GTF2A1: variants seen among roughly 807,000 people sequenced by gnomAD.
GTF2A1 encodes the protein transcription initiation factor IIA subunit 1.
In GTF2A1, 12 loss-of-function variants were observed where a neutral mutation model predicts 54.1. The ratio of observed to expected loss-of-function variants is 0.22; its 90% CI spans 0.14 to 0.36. The LOEUF (loss-of-function observed/expected upper bound fraction) is 0.36. GTF2A1 is among the 10% of genes least tolerant of loss of function. GTF2A1 has a pLI of 1.00. For missense variants in GTF2A1, 335 were observed against 442.2 expected, an observed-to-expected ratio of 0.76 and a Z score of 2.17; for synonymous variants, 145 against 152.0, an observed-to-expected ratio of 0.95 and a Z score of 0.34.
chr14:81,185,165 T>C (rs993988915), intron 8 of GTF2A1, among the ~76,000 whole-genome samples: 7 of 152,202 alleles, frequency 4.6e-5, no homozygotes, highest in Non-Finnish European at 8.8e-5. Flanking sequence ...TGAACCCTTC[T>C]AGTTTTGAGA....
intron 6 of GTF2A1, 54 bp downstream of exon 6, chr14:81,196,054 T>TAC: frequency 6.6e-7 from 1 of 1,511,772 alleles, no homozygotes; most frequent in Non-Finnish European, 9.2e-7. Context: ...ACCCAGGGAA[T>TAC]ACATACAGAA....
chr14:81,180,361 A>C, intron 8 of GTF2A1, 31 bp from the exon 9 acceptor site: 2 of 915,672 alleles, frequency 2.2e-6, no homozygotes, highest in South Asian at 1.4e-5. Flanking sequence ...AAAAATTGAG[A>C]GATACAATCA....
At chr14:81,210,440 G>A (rs1055418896) in intron 2 of GTF2A1, among the ~76,000 whole-genome samples, 1 of 152,144 alleles carries the variant, frequency 6.6e-6, no homozygotes, top group Non-Finnish European at 1.5e-5. Flanking sequence ...GCTGAGGTGG[G>A]CAGATCACGA....
At chr14:81,195,766 T>C (rs1326295123) in intron 6 of GTF2A1, among the ~76,000 whole-genome samples, 1 of 152,108 alleles carries the variant, frequency 6.6e-6, no homozygotes, top group Non-Finnish European at 1.5e-5. Flanking sequence ...TAGAGTCATG[T>C]CTGTGTCATT....
intron 4 of GTF2A1, among the ~76,000 whole-genome samples, chr14:81,199,694 T>C (rs1893062472): frequency 1.3e-5 from 2 of 152,172 alleles, no homozygotes; most frequent in African/African-American, 2.4e-5. Flanking sequence ...CCTGAGTAAC[T>C]GACCTATGAT....
chr14:81,187,417 TTGTACA>T (rs1429878914), intron 7 of GTF2A1, among the ~76,000 whole-genome samples: 1 of 152,180 alleles, frequency 6.6e-6, no homozygotes, highest in Non-Finnish European at 1.5e-5. Context: ...ATTTTAGCAT[TTGTACA>T]TGTACAATTC....
At chr14:81,219,630 TTTTA>T (rs1314003923) in intron 1 of GTF2A1, among the ~76,000 whole-genome samples, 2 of 152,112 alleles carry the variant, frequency 1.3e-5, no homozygotes, top group Non-Finnish European at 2.9e-5. Flanking sequence ...AAAAAACGTG[TTTTA>T]TTGTCATCAT....
intron 2 of GTF2A1, among the ~76,000 whole-genome samples, chr14:81,205,378 C>G (rs1893206362): frequency 6.6e-6 from 1 of 152,160 alleles, no homozygotes; most frequent in African/African-American, 2.4e-5. Flanking sequence ...ACTGAGAAAG[C>G]AAATGTTAAG....
chr14:81,221,139 C>G (rs1050736674), upstream of GTF2A1: 1 of 152,292 alleles, frequency 6.6e-6, no homozygotes, highest in African/African-American at 2.4e-5. Context: ...GTAGTGAAAT[C>G]GGACCTACGC....
intron 4 of GTF2A1, among the ~76,000 whole-genome samples, chr14:81,198,988 G>C (rs1009192242): frequency 1.3e-5 from 2 of 151,898 alleles, no homozygotes; most frequent in Non-Finnish European, 2.9e-5. Flanking sequence ...AGCCCACCCG[G>C]GTGATTCGTA....
intron 3 of GTF2A1, among the ~76,000 whole-genome samples, chr14:81,203,118 G>A (rs530136694): frequency 1.2e-4 from 18 of 152,298 alleles, no homozygotes; most frequent in African/African-American, 4.3e-4. Context: ...TGTCATGAGA[G>A]AAAATACAGA....
At chr14:81,219,359 C>T (rs1334376485) in intron 1 of GTF2A1, among the ~76,000 whole-genome samples, 3 of 152,232 alleles carry the variant, frequency 2.0e-5, no homozygotes, top group African/African-American at 7.2e-5. Flanking sequence ...CTCTCAGCAG[C>T]TCTCACTATT....
At chr14:81,203,653 C>T (rs558700198) in intron 3 of GTF2A1, among the ~76,000 whole-genome samples, 1 of 152,202 alleles carries the variant, frequency 6.6e-6, no homozygotes, top group East Asian at 1.9e-4. Context: ...TAGTAAATTA[C>T]TTGTCTACCA....
chr14:81,186,327 A>G (rs764859090), intron 7 of GTF2A1, among the ~76,000 whole-genome samples: 2 of 152,256 alleles, frequency 1.3e-5, no homozygotes, highest in Non-Finnish European at 2.9e-5. Flanking sequence ...AAAGAAGAGC[A>G]ATGCAATAGG....
chr14:81,200,367 T>C (rs1893078176), intron 4 of GTF2A1, among the ~76,000 whole-genome samples: 1 of 152,184 alleles, frequency 6.6e-6, no homozygotes. Flanking sequence ...CTCACACCTG[T>C]AATCCTAACA....
At chr14:81,205,651 T>G (rs1370816333) in intron 2 of GTF2A1, among the ~76,000 whole-genome samples, 1 of 152,248 alleles carries the variant, frequency 6.6e-6, no homozygotes, top group East Asian at 1.9e-4. Context: ...GCCATTTATG[T>G]AACCTGATCA....
Position 81,201,668 on chromosome 14 carries a change from A to T in GTF2A1, c.338-10T>A. 1 of 1,597,470 alleles carries T rather than the reference A, an allele frequency of 6.3e-7. No individual in the cohort carries two copies. The highest frequency in any genetic ancestry group is 2.2e-5 in the East Asian group (1 of 44,766). ...ACTTGTGGTGCTGTGGCTACAAAAA[A>T]ACAAGCGAACATGCAAACAAGGAAC... On this transcript the variant is annotated splice_polypyrimidine_tract_variant and intron_variant, in intron 3 of 8. Coordinates refer to ENST00000553612, the MANE Select transcript of GTF2A1 (RefSeq NM_015859.4).
intron 1 of GTF2A1, among the ~76,000 whole-genome samples, chr14:81,218,294 T>C (rs1893531672): frequency 6.6e-6 from 1 of 152,218 alleles, no homozygotes; most frequent in Non-Finnish European, 1.5e-5. Context: ...TGCTTTCTTC[T>C]AGTACTCTCA....
At chr14:81,212,863 G>C (rs1331543309) in intron 2 of GTF2A1, among the ~76,000 whole-genome samples, 3 of 152,170 alleles carry the variant, frequency 2.0e-5, no homozygotes, top group African/African-American at 7.2e-5. Context: ...CCATACTGAA[G>C]AGCACAGGTA....
Sources: gnomAD v4.1 joint callset for allele counts (sites outside exome capture counted in the v4.1 genomes callset) on GRCh38, gnomAD v4.1.1 for gene constraint, MANE v1.5 for transcripts, NCBI Gene and HGNC (gene_info 2026-07-23, HGNC 2026-07-21) for gene names.